Variants in ZNF638 observed in about 807,000 individuals in gnomAD.
The protein encoded by ZNF638 is CTCL tumor antigen se33-1.
ZNF638 carries 46 observed loss-of-function variants against 195.6 expected under a neutral mutation model. The ratio of observed to expected loss-of-function variants is 0.24; its 90% CI spans 0.19 to 0.30. The LOEUF (loss-of-function observed/expected upper bound fraction) is 0.30, where lower values mean the gene tolerates loss of function less well. Ranked by LOEUF, ZNF638 falls within the 10% of genes least tolerant of loss-of-function variation. ZNF638 has a pLI of 1.00. For missense variants in ZNF638, 2,440 were observed against 2,325.3 expected, an observed-to-expected ratio of 1.05 and a Z score of -1.01; for synonymous variants, 845 against 772.0, an observed-to-expected ratio of 1.09 and a Z score of -1.57.
chr2:71,423,630 G>C lies in ZNF638; in HGVS notation c.4116G>C (p.Lys1372Asn). ...YPNKGVGQAN[K>N]PDETSKTSIL... is the part of the protein sequence containing the mutation. The stretch of plus-strand genomic sequence containing the variant: ...ATAAAGGAGTGGGTCAGGCTAATAA[G>C]CCTGATGAAACTAGTAAAACTAGTA... The change falls in exon 22 of 28, where the codon AAG becomes AAC. Residue 1372 changes from lysine (K) to asparagine (N), a missense_variant. Coordinates refer to ENST00000264447, the MANE Select transcript of ZNF638 (RefSeq NM_014497.5). 6.2e-7 allele frequency: 1 copy of C among 1,613,810 alleles called. No individual in the cohort carries two copies. Among genetic ancestry groups the C allele is most frequent in the Non-Finnish European group, 8.5e-7 (1 of 1,179,966 alleles).
intron 20 of ZNF638, among the ~76,000 whole-genome samples, chr2:71,409,111 A>G (rs1449296378): frequency 1.3e-5 from 2 of 152,142 alleles, no homozygotes; most frequent in Non-Finnish European, 2.9e-5. Context: ...TCCCAGAAAT[A>G]TAGTCCCAAA....
At position 71,370,706 on chromosome 2, in the gene ZNF638, T is replaced by C. The variant is rs538760306; in HGVS notation, c.2265+701T>C. On this transcript the variant is annotated intron_variant, in intron 8 of 27. Coordinates refer to ENST00000264447, the MANE Select transcript of ZNF638 (RefSeq NM_014497.5). ...TTATTGTATTTTTAATTTTTGTGGGTACATAGTAGGTATATATATTTATGA... is the reference window on the plus strand; with the variant it reads ...TTATTGTATTTTTAATTTTTGTGGGCACATAGTAGGTATATATATTTATGA... Among the ~76,000 whole-genome samples the C allele has an allele frequency of 9.2e-5, 14 of 152,256 alleles. No homozygotes were observed. In the South Asian group the frequency reaches 2.5e-3, roughly 27 times the overall value.
At chr2:71,411,486 TTA>T (rs1491428356) in intron 20 of ZNF638, among the ~76,000 whole-genome samples, 1 of 144,356 alleles carries the variant, frequency 6.9e-6, no homozygotes, top group Non-Finnish European at 1.5e-5. Flanking sequence ...TTTTTTTTTT[TTA>T]TTATACTCTA....
intron 19 of ZNF638, 185 bp from the exon 20 acceptor site, chr2:71,407,937 G>A: frequency 2.0e-6 from 1 of 489,696 alleles, no homozygotes; most frequent in Non-Finnish European, 3.6e-6. Flanking sequence ...TGGACAGTTG[G>A]GTTGCTTCTC....
At chr2:71,379,285 T>G (rs2079491588) in intron 8 of ZNF638, among the ~76,000 whole-genome samples, 1 of 152,220 alleles carries the variant, frequency 6.6e-6, no homozygotes, top group African/African-American at 2.4e-5. Flanking sequence ...AGTTGTGGTT[T>G]GAAAATATTG....
chr2:71,388,307 G>C (rs1400867151), intron 10 of ZNF638: 1 of 432,760 alleles, frequency 2.3e-6, no homozygotes, highest in Non-Finnish European at 4.3e-6. Context: ...GCCGACCTTT[G>C]ATCATCCGAC....
chr2:71,395,911 T>C (rs1433562596), intron 10 of ZNF638: 2 of 573,366 alleles, frequency 3.5e-6, no homozygotes, highest in East Asian at 5.9e-5. Flanking sequence ...GTTCAGCCTT[T>C]CTGAAGGTCA....
intron 10 of ZNF638, among the ~76,000 whole-genome samples, chr2:71,389,010 C>T (rs919051865): frequency 6.6e-5 from 10 of 152,090 alleles, no homozygotes; most frequent in African/African-American, 2.4e-4. Flanking sequence ...GCAACGGGTC[C>T]CAGTAACATC....
chr2:71,389,611 C>T (rs946719386), intron 10 of ZNF638, among the ~76,000 whole-genome samples: 1 of 152,176 alleles, frequency 6.6e-6, no homozygotes, highest in Non-Finnish European at 1.5e-5. Flanking sequence ...CAGTGTCCAA[C>T]AACAATTAAG....
At chr2:71,419,054 T>C (rs1280862131) in intron 21 of ZNF638, among the ~76,000 whole-genome samples, 3 of 152,220 alleles carry the variant, frequency 2.0e-5, no homozygotes, top group Non-Finnish European at 4.4e-5. Context: ...TTTGATACTT[T>C]TTAAAAACAA....
chr2:71,368,447 T>C lies in ZNF638; in HGVS notation c.2061T>C (p.Gly687=), dbSNP rs1434721329. 1.5e-5 allele frequency: 24 copies of C among 1,613,644 alleles called. No individual in the cohort carries two copies. The highest frequency in any genetic ancestry group is 5.0e-5 in the Admixed American group (3 of 59,986). The change falls in exon 7 of 28, where the codon GGT becomes GGC. Residue 687 remains glycine, a synonymous_variant. Coordinates refer to ENST00000264447, the MANE Select transcript of ZNF638 (RefSeq NM_014497.5). ...VLLITELPED[G]CTEEDVRKLF... ...TTATAACTGAATTACCAGAGGATGG[T>C]TGTACTGAAGAAGATGTGAGAAAAT...
chr2:71,410,578 T>C (rs1465755691), intron 20 of ZNF638, among the ~76,000 whole-genome samples: 1 of 152,210 alleles, frequency 6.6e-6, no homozygotes, highest in Non-Finnish European at 1.5e-5. Context: ...AATACCATGA[T>C]GAACATTGTT....
At chr2:71,346,151 G>A (rs140496111) in intron 1 of ZNF638, among the ~76,000 whole-genome samples, 1 of 152,234 alleles carries the variant, frequency 6.6e-6, no homozygotes, top group East Asian at 1.9e-4. Flanking sequence ...TTTATTTTGG[G>A]GGAGAAACAT....
chr2:71,331,938 C>T (rs2078576197), intron 1 of ZNF638, 63 bp downstream of exon 1: 2 of 985,444 alleles, frequency 2.0e-6, no homozygotes, highest in Non-Finnish European at 2.4e-6. Context: ...CGTGGGGGTC[C>T]TGAGCCCTTC....
chr2:71,340,326 T>G (rs1018050948), intron 1 of ZNF638, among the ~76,000 whole-genome samples: 15 of 152,240 alleles, frequency 9.9e-5, no homozygotes, highest in Admixed American at 4.6e-4. Flanking sequence ...GTTACTTGCA[T>G]GCCTTTTGTG....
intron 1 of ZNF638, among the ~76,000 whole-genome samples, chr2:71,337,763 T>G (rs2078696359): frequency 6.7e-6 from 1 of 148,798 alleles, no homozygotes; most frequent in South Asian, 2.1e-4. Flanking sequence ...CCAATATTGT[T>G]TTTTATAGCA....
At chr2:71,369,432 A>C (rs1410669167) in intron 7 of ZNF638, among the ~76,000 whole-genome samples, 1 of 151,938 alleles carries the variant, frequency 6.6e-6, no homozygotes, top group African/African-American at 2.4e-5. Flanking sequence ...TGAGGCCAGG[A>C]GTTCAAGACC....
At chr2:71,381,773 T>G (rs1391641960) in intron 10 of ZNF638, among the ~76,000 whole-genome samples, 1 of 152,156 alleles carries the variant, frequency 6.6e-6, no homozygotes, top group African/African-American at 2.4e-5. Flanking sequence ...GAAACCTATT[T>G]AGCTTTGTTT....
At chr2:71,335,356 T>C (rs1458536776) in intron 1 of ZNF638, among the ~76,000 whole-genome samples, 1 of 152,222 alleles carries the variant, frequency 6.6e-6, no homozygotes, top group Non-Finnish European at 1.5e-5. Flanking sequence ...TTCTTCATGG[T>C]TACCCTAAGG....
Sources: gnomAD v4.1 joint callset for allele counts (sites outside exome capture counted in the v4.1 genomes callset) on GRCh38, gnomAD v4.1.1 for gene constraint, MANE v1.5 for transcripts, NCBI Gene and HGNC (gene_info 2026-07-23, HGNC 2026-07-21) for gene names.